RB1: variants seen among roughly 807,000 people sequenced by gnomAD.
The protein encoded by RB1 is RB transcriptional corepressor 1.
A neutral mutation model predicts 135.4 loss-of-function variants in RB1; 18 were observed. The observed-to-expected ratio is 0.13, with a 90% CI of 0.09 to 0.20. The LOEUF is 0.20. Ranked by LOEUF, RB1 falls within the 10% of genes least tolerant of loss-of-function variation. The probability of loss-of-function intolerance (pLI) is 1.00; values close to 1 mark genes in which losing one functional copy is unlikely to be tolerated. For missense variants in RB1, 868 were observed against 1,110.0 expected (o/e 0.78, Z 3.10); for synonymous variants, 365 against 373.2 (o/e 0.98, Z 0.25).
chr13:48,313,526 G>GT (rs3085650), intron 2 of RB1, among the ~76,000 whole-genome samples: 6,628 of 133,236 alleles, frequency 0.05, 246 homozygotes, highest in African/African-American at 0.11. Context: ...GTTTTTTTTT[G>GT]TTTTTTTTTT....
intron 2 of RB1, among the ~76,000 whole-genome samples, chr13:48,340,577 A>AAG (rs764421186): frequency 3.4e-4 from 35 of 102,184 alleles, no homozygotes; most frequent in South Asian, 1.4e-3. Context: ...TAATCTTTAA[A>AAG]AGAGAGAGAG....
At chr13:48,374,545 G>A (rs764621056) in intron 12 of RB1, among the ~76,000 whole-genome samples, 2 of 152,148 alleles carry the variant, frequency 1.3e-5, no homozygotes, top group Non-Finnish European at 2.9e-5. Flanking sequence ...GTTCGTAATT[G>A]TTTTGGCTCA....
intron 23 of RB1, among the ~76,000 whole-genome samples, chr13:48,472,843 C>G (rs911476221): frequency 1.3e-5 from 2 of 152,040 alleles, no homozygotes; most frequent in African/African-American, 4.8e-5. Flanking sequence ...TGTTCTTCAG[C>G]TTTATTATAA....
chr13:48,440,394 T>C (rs1209936334), intron 17 of RB1, among the ~76,000 whole-genome samples: 1 of 152,220 alleles, frequency 6.6e-6, no homozygotes, highest in African/African-American at 2.4e-5. Context: ...TTCTTTTATG[T>C]ATGATATTGT....
At chr13:48,313,928 T>C (rs1407709307) in intron 2 of RB1, among the ~76,000 whole-genome samples, 2 of 151,962 alleles carry the variant, frequency 1.3e-5, no homozygotes, top group Non-Finnish European at 2.9e-5. Context: ...TTTCTGTATT[T>C]TTAGTAGAGA....
At position 48,473,281 on chromosome 13, in the gene RB1, A is replaced by G. The variant is rs4151609; in HGVS notation, c.2490-79A>G. The G allele has an allele frequency of 2.9e-3, 3,234 of 1,115,782 alleles. 79 individuals are homozygous for G. The African/African-American group carries it at 0.043, about 15-fold the overall frequency. The allele number at this position is 1,115,782 out of a possible 1,614,324, so 69.1% of individuals were successfully genotyped here. A position where few individuals can be genotyped will look rare whatever the true frequency, so the allele number is the denominator to read the frequency against. On this transcript the variant is annotated intron_variant, in intron 23 of 26. Coordinates refer to ENST00000267163, the MANE Select transcript of RB1 (RefSeq NM_000321.3). ...TAATTTGGTATTCCTAATAGTTCAG[A>G]ATGATGTATTTATGCTCATCTCTGC...
At chr13:48,340,572 T>C (rs55748616) in intron 2 of RB1, among the ~76,000 whole-genome samples, 9,322 of 113,600 alleles carry the variant, frequency 0.082, 907 homozygotes, top group African/African-American at 0.21. Flanking sequence ...TTTTTTAATC[T>C]TTAAAAGAGA....
chr13:48,351,882 C>T (rs1952551947), intron 6 of RB1, among the ~76,000 whole-genome samples: 1 of 152,062 alleles, frequency 6.6e-6, no homozygotes, highest in South Asian at 2.1e-4. Context: ...CTATGTTGGC[C>T]AGGCTGGTCT....
chr13:48,432,841 A>G (rs1007680888), intron 17 of RB1, among the ~76,000 whole-genome samples: 1 of 152,168 alleles, frequency 6.6e-6, no homozygotes, highest in African/African-American at 2.4e-5. Context: ...ATTATAAGAG[A>G]CAGAATAAAA....
chr13:48,392,519 GTATCT>G (rs1948618877), intron 17 of RB1, among the ~76,000 whole-genome samples: 1 of 151,892 alleles, frequency 6.6e-6, no homozygotes, highest in African/African-American at 2.4e-5. Context: ...TTCTTCTGAG[GTATCT>G]AATCTGCTAT....
rs1311148388 is a variant in RB1, at chr13:48,345,971, A to T, written c.500+772A>T. Among the ~76,000 whole-genome samples the T allele has an allele frequency of 3.3e-5, 5 of 151,986 alleles. No individual in the cohort carries two copies. The South Asian group carries it at 1.0e-3, about 32-fold the overall frequency. ...ATTTTCTCCCCCTTTTTCTTTTTTG[A>T]CCACTAAAACTTCACAACTGTGGTG... On this transcript the variant is annotated intron_variant, in intron 4 of 26. Coordinates refer to ENST00000267163, the MANE Select transcript of RB1 (RefSeq NM_000321.3).
chr13:48,434,535 A>G (rs1336099673), intron 17 of RB1, among the ~76,000 whole-genome samples: 3 of 152,108 alleles, frequency 2.0e-5, no homozygotes, highest in Non-Finnish European at 4.4e-5. Context: ...CCCAGCCACA[A>G]AAAACACCCT....
At chr13:48,445,681 C>T (rs995877137) in intron 17 of RB1, among the ~76,000 whole-genome samples, 2 of 152,126 alleles carry the variant, frequency 1.3e-5, no homozygotes, top group Non-Finnish European at 2.9e-5. Context: ...ATGAGAGAAC[C>T]CTGTTCTTTC....
intron 17 of RB1, among the ~76,000 whole-genome samples, chr13:48,419,663 GAGA>G (rs1375398364): frequency 6.6e-6 from 1 of 152,238 alleles, no homozygotes; most frequent in African/African-American, 2.4e-5. Context: ...GAAGAAAAGA[GAGA>G]AGAATCAAAT....
rs115414188 is a variant in RB1, at chr13:48,314,119, T to C, written c.264+6713T>C. Among the ~76,000 whole-genome samples the C allele has an allele frequency of 6.5e-3, 995 of 152,298 alleles. 16 individuals carry two copies. The highest frequency in any genetic ancestry group is 0.023 in the African/African-American group (948 of 41,566). On this transcript the variant is annotated intron_variant, in intron 2 of 26. Transcript: ENST00000267163. ...TATAGCTTTGTAGTATGTTTTGAAA[T>C]AGGGAAGTGTGAGTTCGACAACTTT...
chr13:48,371,476 G>A (rs987303340), intron 11 of RB1, among the ~76,000 whole-genome samples: 4 of 152,138 alleles, frequency 2.6e-5, no homozygotes, highest in Admixed American at 2.6e-4. Context: ...GTCTGTTGTA[G>A]CAGTTTACTT....
intron 17 of RB1, among the ~76,000 whole-genome samples, chr13:48,427,192 G>C (rs1442902699): frequency 7.8e-6 from 1 of 128,736 alleles, no homozygotes; most frequent in African/African-American, 3.0e-5. Context: ...CTCACCTCCA[G>C]CATTGGGGAG....
intron 17 of RB1, chr13:48,412,646 T>C: frequency 5.2e-6 from 3 of 577,306 alleles, no homozygotes; most frequent in Non-Finnish European, 6.3e-6. Context: ...ATATTTTCAT[T>C]TGTTAGTCTT....
chr13:48,450,094 A>ATAT (rs1555293462), intron 17 of RB1, among the ~76,000 whole-genome samples: 2 of 117,742 alleles, frequency 1.7e-5, no homozygotes, highest in East Asian at 2.3e-4. Context: ...ATATATATAT[A>ATAT]TTTTTTTTTT....
Sources: allele counts gnomAD v4.1 joint callset (sites outside exome capture counted in the v4.1 genomes callset), GRCh38; gene constraint gnomAD v4.1.1; transcripts MANE v1.5; gene names NCBI Gene and HGNC (gene_info 2026-07-23, HGNC 2026-07-21).